TTC1: variants seen among roughly 807,000 people sequenced by gnomAD.
TTC1 encodes tetratricopeptide repeat protein 1.
A neutral mutation model predicts 37.6 loss-of-function variants in TTC1; 31 were observed. That is an observed-to-expected ratio of 0.82 (90% confidence interval 0.62 to 1.11). TTC1 has a LOEUF of 1.11. Ranked by LOEUF, TTC1 falls within the 50% of genes most tolerant of loss-of-function variation. The pLI is 0.00. For synonymous variants in TTC1, 127 were observed against 122.4 expected (o/e 1.04, Z -0.25); for missense variants, 351 against 339.0 (o/e 1.04, Z -0.28).
intron 2 of TTC1, among the ~76,000 whole-genome samples, chr5:160,017,387 A>G (rs1442470555): frequency 2.6e-5 from 4 of 152,162 alleles, no homozygotes; most frequent in Non-Finnish European, 5.9e-5. Context: ...TTGTGTCCCT[A>G]CATGGCAGCA....
At chr5:160,055,327 A>G (rs1757515540) in intron 7 of TTC1, among the ~76,000 whole-genome samples, 1 of 152,254 alleles carries the variant, frequency 6.6e-6, no homozygotes, top group South Asian at 2.1e-4. Context: ...AGAGTCATCT[A>G]CTTTCTCCAA....
At chr5:160,010,898 C>T in intron 2 of TTC1, 40 bp downstream of exon 2, 4 of 1,563,864 alleles carry the variant, frequency 2.6e-6, no homozygotes, top group Non-Finnish European at 3.5e-6. Context: ...GCCACTTACA[C>T]TGCATTTTAA....
At chr5:160,019,327 T>A (rs1228662104) in intron 2 of TTC1, among the ~76,000 whole-genome samples, 2 of 152,180 alleles carry the variant, frequency 1.3e-5, no homozygotes, top group Non-Finnish European at 2.9e-5. Flanking sequence ...AGAACAGATG[T>A]TATATTTCAG....
chr5:160,009,921 T>C (rs34655688), intron 1 of TTC1, among the ~76,000 whole-genome samples: 1,663 of 152,302 alleles, frequency 0.011, 19 homozygotes, highest in Middle Eastern at 0.061. Flanking sequence ...GTGGTGGTGC[T>C]AAAAAGACGG....
At chr5:160,054,865 G>GA (rs1020751212) in intron 7 of TTC1, among the ~76,000 whole-genome samples, 14 of 151,718 alleles carry the variant, frequency 9.2e-5, no homozygotes, top group East Asian at 1.9e-4. Context: ...AGGTAAATAG[G>GA]AAAAAAAACA....
At chr5:160,039,177 A>C (rs1428906066) in intron 4 of TTC1, 1 of 152,034 alleles carries the variant, frequency 6.6e-6, no homozygotes, top group East Asian at 1.9e-4. Context: ...CACGCTTCAC[A>C]TTTCATATCT....
At chr5:160,009,619 C>T (rs558230007) in intron 1 of TTC1, among the ~76,000 whole-genome samples, 28 of 147,882 alleles carry the variant, frequency 1.9e-4, no homozygotes, top group Non-Finnish European at 3.3e-4. Context: ...AATAAATAAA[C>T]CTGATGCCCT....
intron 4 of TTC1, among the ~76,000 whole-genome samples, chr5:160,040,295 G>T (rs1448993982): frequency 3.3e-5 from 5 of 152,060 alleles, no homozygotes; most frequent in African/African-American, 1.2e-4. Flanking sequence ...CATATACCGT[G>T]TATGCCATGA....
At chr5:160,026,476 T>C (rs1416300902) in intron 2 of TTC1, among the ~76,000 whole-genome samples, 2 of 152,234 alleles carry the variant, frequency 1.3e-5, no homozygotes, top group Admixed American at 1.3e-4. Flanking sequence ...ATATATTTTA[T>C]GGTTCTGCTG....
Position 160,032,044 on chromosome 5 carries a change from G to A in TTC1, c.331-3096G>A, listed in dbSNP as rs142030931. ...ATTTCTCGAGCTGGCTGCTCAGGCC[G>A]GCCCGTAGCACTGATTCCTTTCTGT... On this transcript the variant is annotated intron_variant, in intron 2 of 7. Coordinates refer to ENST00000231238, the MANE Select transcript of TTC1 (RefSeq NM_003314.3). Among the ~76,000 whole-genome samples the A allele has an allele frequency of 7.6e-3, 1,155 of 152,266 alleles. 8 individuals are homozygous for A. The highest frequency in any genetic ancestry group is 0.013 in the Non-Finnish European group (903 of 68,006).
intron 4 of TTC1, among the ~76,000 whole-genome samples, chr5:160,039,708 A>G (rs575897294): frequency 2.6e-5 from 4 of 152,332 alleles, no homozygotes; most frequent in South Asian, 2.1e-4. Context: ...ATTTATTTCT[A>G]TTTCAGAAAC....
intron 7 of TTC1, among the ~76,000 whole-genome samples, chr5:160,061,588 T>C (rs1753401939): frequency 6.6e-6 from 1 of 152,216 alleles, no homozygotes; most frequent in Admixed American, 6.5e-5. Context: ...TGTGTGCCTT[T>C]TATTATGTGT....
intron 7 of TTC1, among the ~76,000 whole-genome samples, chr5:160,058,478 T>TC (rs1248785146): frequency 2.7e-5 from 4 of 150,568 alleles, no homozygotes; most frequent in African/African-American, 9.8e-5. Flanking sequence ...TGGTGCGATC[T>TC]CGGCTCAGTG....
chr5:160,021,898 C>G (rs868652232), intron 2 of TTC1, among the ~76,000 whole-genome samples: 3 of 152,258 alleles, frequency 2.0e-5, no homozygotes, highest in South Asian at 4.1e-4. Flanking sequence ...AAGTATGTAC[C>G]TCTCTTTACG....
At chr5:160,011,382 A>G (rs1008646099) in intron 2 of TTC1, among the ~76,000 whole-genome samples, 4 of 152,218 alleles carry the variant, frequency 2.6e-5, no homozygotes, top group African/African-American at 9.7e-5. Context: ...TTGAATGCCT[A>G]CAATGTGCCA....
intron 7 of TTC1, chr5:160,063,554 C>CT (rs1273222471): frequency 1.3e-5 from 2 of 152,104 alleles, no homozygotes; most frequent in East Asian, 3.9e-4. Context: ...GGGCTTTACT[C>CT]TAAGATGGGA....
chr5:160,057,301 C>G lies in TTC1; in HGVS notation c.745+6118C>G, dbSNP rs1757570445. 6.6e-6 allele frequency among the ~76,000 whole-genome samples: 1 copy of G among 152,030 alleles called. No homozygotes were observed. The highest frequency in any genetic ancestry group is 2.1e-4 in the South Asian group (1 of 4,818). On this transcript the variant is annotated intron_variant, in intron 7 of 7. Coordinates refer to ENST00000231238, the MANE Select transcript of TTC1 (RefSeq NM_003314.3). The surrounding 1 kb of genome is among the most constrained non-coding windows in gnomAD (Gnocchi z 4.4). ...GAGATGTTGCAGGTTCAGTTCCAGA[C>G]CAGCACAATAAAGCGAGTCACAAGA...
intron 7 of TTC1, among the ~76,000 whole-genome samples, chr5:160,063,843 C>T (rs879819773): frequency 4.0e-5 from 6 of 151,632 alleles, no homozygotes; most frequent in Admixed American, 3.9e-4. Flanking sequence ...AGTCTCACTG[C>T]GTTGCTCGGG....
At chr5:160,045,512 ACATACACACTCTCT>A (rs1561634879) in intron 5 of TTC1, among the ~76,000 whole-genome samples, 3 of 42,848 alleles carry the variant, frequency 7.0e-5, no homozygotes, top group Admixed American at 6.6e-4. Flanking sequence ...ACACACACAC[ACATACACACTCTCT>A]CTCTCTCTCT....
Sources: allele counts gnomAD v4.1 joint callset (sites outside exome capture counted in the v4.1 genomes callset), GRCh38; gene constraint gnomAD v4.1.1; non-coding constraint Gnocchi (gnomAD v3.1); transcripts MANE v1.5; gene names NCBI Gene and HGNC (gene_info 2026-07-23, HGNC 2026-07-21).